EPRS1: variants seen among roughly 807,000 people sequenced by gnomAD.
EPRS1 encodes the protein glutamyl-prolyl-tRNA synthetase 1.
EPRS1 carries 107 observed loss-of-function variants against 188.3 expected under a neutral mutation model. That is an observed-to-expected ratio of 0.57 (90% CI 0.49 to 0.67). The LOEUF (loss-of-function observed/expected upper bound fraction) is 0.67. Ranked by LOEUF, EPRS1 falls within the 30% of genes least tolerant of loss-of-function variation. The pLI is 0.00. For missense variants in EPRS1, 1,577 were observed against 1,802.2 expected, an observed-to-expected ratio of 0.88 and a Z score of 2.26; for synonymous variants, 596 against 593.1, an observed-to-expected ratio of 1.00 and a Z score of -0.07.
intron 30 of EPRS1, among the ~76,000 whole-genome samples, chr1:219,970,211 T>C (rs1874811): frequency 0.42 from 63,477 of 152,064 alleles, 13,876 homozygotes; most frequent in East Asian, 0.52. Flanking sequence ...AACAATTATG[T>C]AGTAGCCCTA....
At chr1:220,026,028 C>T (rs10746396) in intron 6 of EPRS1, among the ~76,000 whole-genome samples, 121,814 of 151,936 alleles carry the variant, frequency 0.8, 48,996 homozygotes, top group East Asian at 0.93. Context: ...CTCTTGACCT[C>T]GTGATCCGCC....
intron 13 of EPRS1, 106 bp from the exon 14 acceptor site, chr1:220,007,444 G>C (rs1008826584): frequency 9.2e-7 from 1 of 1,085,134 alleles, no homozygotes; most frequent in African/African-American, 1.6e-5. Context: ...AAAGTCTTCT[G>C]TGTTACTAAA....
chr1:220,005,269 T>C lies in EPRS1; in HGVS notation c.2042A>G (p.Asp681Gly). Reference protein sequence around the residue: ...QLQRRGFFICDQPYEPVSPYS... With the variant: ...QLQRRGFFICGQPYEPVSPYS... ...TTACCTAACAGGTTCATAAGGTTGA[T>C]CACATATGAAGAATCCTCTTCTCTG... Residue 681 changes from aspartate to glycine, a missense_variant, in exon 16 of 32, where the codon GAT becomes GGT. Asp to Gly is a moderately conservative substitution (Grantham distance 94, BLOSUM62 -1). Coordinates refer to ENST00000366923, the MANE Select transcript of EPRS1 (RefSeq NM_004446.3). The C allele has an allele frequency of 1.3e-6, 2 of 1,544,234 alleles. No homozygotes were observed. Among genetic ancestry groups the C allele is most frequent in the Middle Eastern group, 1.7e-4 (1 of 5,902 alleles).
rs1661794347 is a variant in EPRS1 at position 220,018,807 on chromosome 1, T to C, written c.1434+188A>G. On this transcript the variant is annotated intron_variant, in intron 11 of 31. Transcript: ENST00000366923. ...GTTTAGGACATTTTCAATTTTTCAC[T>C]ATTATAAGCAGTGATAAACTTTAAA... 2.1e-5 allele frequency among the ~76,000 whole-genome samples: 3 copies of C among 145,662 alleles called. No homozygotes were observed. In the South Asian group the frequency reaches 6.6e-4, roughly 32 times the overall value.
At chr1:219,990,213 A>G (rs1246669458) in intron 18 of EPRS1, among the ~76,000 whole-genome samples, 1 of 152,030 alleles carries the variant, frequency 6.6e-6, no homozygotes, top group Non-Finnish European at 1.5e-5. Context: ...CTGTTATTCA[A>G]TGAGATACTC....
chr1:219,980,910 T>G (rs1660883053), intron 24 of EPRS1, 53 bp from the exon 25 acceptor site: 1 of 1,298,402 alleles, frequency 7.7e-7, no homozygotes, highest in Non-Finnish European at 1.1e-6. Context: ...TTCAATTTTT[T>G]TTTTTTGGAG....
chr1:219,991,248 A>T (rs902504107), intron 18 of EPRS1, among the ~76,000 whole-genome samples: 1 of 132,692 alleles, frequency 7.5e-6, no homozygotes, highest in African/African-American at 2.8e-5. Context: ...AAAAAAAAAA[A>T]CCTGGAACAT....
intron 28 of EPRS1, among the ~76,000 whole-genome samples, chr1:219,978,048 CAATA>C (rs1660811873): frequency 6.6e-6 from 1 of 152,030 alleles, no homozygotes; most frequent in African/African-American, 2.4e-5. Context: ...ATATTACAAA[CAATA>C]AAGCAGAATT....
At chr1:219,983,528 G>T in intron 21 of EPRS1, 130 bp from the exon 22 acceptor site, 1 of 639,622 alleles carries the variant, frequency 1.6e-6, no homozygotes, top group Non-Finnish European at 2.7e-6. Flanking sequence ...AATGTGGGAG[G>T]TCATAATGGA....
rs1339602001 is a variant in EPRS1, at chr1:219,980,758, C to T, written c.3553G>A (p.Glu1185Lys). The T allele has an allele frequency of 6.2e-7, 1 of 1,603,944 alleles. No individual in the cohort carries two copies. Among genetic ancestry groups the T allele is most frequent in the Non-Finnish European group, 8.5e-7 (1 of 1,171,966 alleles). Residue 1185 changes from glutamate (E) to lysine (K), a missense_variant and splice_region_variant, in exon 25 of 32, where the codon GAG becomes AAG. Around this residue, in one of 3 missense-constraint regions of EPRS1, gnomAD observed 1,278 missense variants for 1,457.4 expected, o/e 0.88. Coordinates refer to ENST00000366923, the MANE Select transcript of EPRS1 (RefSeq NM_004446.3). Reference sequence around the variant, plus strand: ...ATATGGAAAATAACTTTTTATACCTCTTCCGCTGCCTCTTCCATGGTAGCA... The same window carrying T: ...ATATGGAAAATAACTTTTTATACCTTTTCCGCTGCCTCTTCCATGGTAGCA... ...AFATMEEAAEEVLQILDLYAQ... is the reference protein window; with the variant it reads ...AFATMEEAAEKVLQILDLYAQ...
chr1:220,044,873 T>C (rs556184257), intron 1 of EPRS1, among the ~76,000 whole-genome samples: 2 of 152,260 alleles, frequency 1.3e-5, no homozygotes, highest in Admixed American at 1.3e-4. Context: ...AGGATTGGAC[T>C]CAGGTCTGCA....
At chr1:219,985,734 T>G (rs1452973074) in intron 20 of EPRS1, among the ~76,000 whole-genome samples, 1 of 152,150 alleles carries the variant, frequency 6.6e-6, no homozygotes, top group East Asian at 1.9e-4. Flanking sequence ...AGAATAAAAG[T>G]TGCAGAGATA....
At chr1:219,971,551 C>T (rs1281806402) in intron 30 of EPRS1, among the ~76,000 whole-genome samples, 1 of 151,916 alleles carries the variant, frequency 6.6e-6, no homozygotes, top group Non-Finnish European at 1.5e-5. Flanking sequence ...TTGTTTTAGG[C>T]AGCCGCATAT....
At position 220,025,118 on chromosome 1, in the gene EPRS1, A is replaced by G. The variant is rs962748774; in HGVS notation, c.750+14T>C. ...ACTTTTCTGGCAAAGGGTCATCACT[A>G]CACTTTTAATTACCTTCTCAAAATC... On this transcript the variant is annotated intron_variant, in intron 7 of 31. Transcript: ENST00000366923. 1.2e-6 allele frequency: 2 copies of G among 1,610,862 alleles called. No homozygotes were observed. The highest frequency in any genetic ancestry group is 2.7e-5 in the African/African-American group (2 of 74,832).
intron 2 of EPRS1, among the ~76,000 whole-genome samples, chr1:220,037,976 T>C (rs1156622477): frequency 3.9e-5 from 6 of 152,110 alleles, no homozygotes; most frequent in Admixed American, 2.0e-4. Context: ...ATGACAATTA[T>C]GGTACAACTA....
At chr1:220,046,087 T>G (rs1218387830) in intron 1 of EPRS1, among the ~76,000 whole-genome samples, 1 of 152,180 alleles carries the variant, frequency 6.6e-6, no homozygotes, top group Non-Finnish European at 1.5e-5. Context: ...AAGCGGAGTC[T>G]CGTGTTGTCT....
intron 20 of EPRS1, 50 bp from the exon 21 acceptor site, chr1:219,984,307 T>C (rs769983830): frequency 1.0e-5 from 13 of 1,293,822 alleles, no homozygotes; most frequent in Non-Finnish European, 1.5e-5. Context: ...GCAACTGCTT[T>C]AGGTTGAATA....
chr1:219,988,713 A>G lies in EPRS1; in HGVS notation c.2652T>C (p.Asp884=), dbSNP rs777177446. Residue 884 remains aspartate (D), a synonymous_variant, in exon 19 of 32, where the codon GAT becomes GAC. Transcript: ENST00000366923. The stretch of plus-strand genomic sequence containing the variant: ...GTTCAGAATTTCTGGTTGGGCTTGA[A>G]TCCGAACTTTGAGATAATGGGGGCT... The part of the protein sequence containing the change: ...PGQPPLSQSS[D]SSPTRNSEPA... 1.3e-5 allele frequency: 21 copies of G among 1,613,916 alleles called. No homozygotes were observed. Among genetic ancestry groups the G allele is most frequent in the Non-Finnish European group, 1.7e-5 (20 of 1,179,856 alleles).
chr1:220,029,887 C>T (rs941432440), intron 6 of EPRS1, among the ~76,000 whole-genome samples: 1 of 152,086 alleles, frequency 6.6e-6, no homozygotes, highest in African/African-American at 2.4e-5. Flanking sequence ...ATACTACTTT[C>T]CATGGGTGCC....
Sources: allele counts gnomAD v4.1 joint callset (sites outside exome capture counted in the v4.1 genomes callset), GRCh38; gene constraint gnomAD v4.1.1; regional missense constraint gnomAD v4.1.1; transcripts MANE v1.5; gene names NCBI Gene and HGNC (gene_info 2026-07-23, HGNC 2026-07-21).